The following CDKL4 variants were observed in gnomAD, a reference collection of about 807,000 sequenced individuals.
CDKL4 encodes cyclin-dependent kinase-like 4.
CDKL4 carries 44 observed loss-of-function variants against 42.0 expected under a neutral mutation model. The observed-to-expected ratio is 1.05, with a 90% CI of 0.82 to 1.35. The LOEUF (loss-of-function observed/expected upper bound fraction) is 1.35. Ranked by LOEUF, CDKL4 falls within the 40% of genes most tolerant of loss-of-function variation. The probability of loss-of-function intolerance (pLI) is 0.00; values close to 1 mark genes in which losing one functional copy is unlikely to be tolerated. For synonymous variants in CDKL4, 120 were observed against 121.6 expected (o/e 0.99, Z 0.09); for missense variants, 393 against 369.9 (o/e 1.06, Z -0.51).
chr2:39,195,836 A>G lies in CDKL4; in HGVS notation c.455-5334T>C, dbSNP rs78331703. 7.4e-4 allele frequency among the ~76,000 whole-genome samples: 113 copies of G among 152,040 alleles called. No individual in the cohort carries two copies. In the East Asian group the frequency reaches 0.017, roughly 23 times the overall value. On this transcript the variant is annotated intron_variant, in intron 5 of 9. Transcript: ENST00000451199. ...ATATATCTTCTTTAAAGAAATGTCT[A>G]TTCTGATGGCTTCTGAGGAAAATGG...
intron 8 of CDKL4, 59 bp from the exon 9 acceptor site, chr2:39,179,380 GC>G: frequency 7.5e-7 from 1 of 1,338,278 alleles, no homozygotes; most frequent in Non-Finnish European, 1.0e-6. Context: ...TTGTTACCGT[GC>G]CCACAAACTG....
intron 1 of CDKL4, among the ~76,000 whole-genome samples, chr2:39,231,227 CAAA>C (rs1451651346): frequency 6.6e-6 from 1 of 151,866 alleles, no homozygotes; most frequent in Admixed American, 6.6e-5. Flanking sequence ...CAAAAACAAA[CAAA>C]CAAACAAACA....
intron 5 of CDKL4, among the ~76,000 whole-genome samples, chr2:39,199,202 T>C (rs1676699502): frequency 6.6e-6 from 1 of 152,118 alleles, no homozygotes; most frequent in African/African-American, 2.4e-5. Flanking sequence ...TCAAGGCTCC[T>C]ATGAATACCT....
At chr2:39,203,805 G>C (rs1206850088) in intron 5 of CDKL4, among the ~76,000 whole-genome samples, 1 of 152,120 alleles carries the variant, frequency 6.6e-6, no homozygotes, top group African/African-American at 2.4e-5. Flanking sequence ...ATTATCATTA[G>C]GATCCTATTA....
At chr2:39,226,752 A>G (rs1322212396) in intron 2 of CDKL4, among the ~76,000 whole-genome samples, 10 of 151,744 alleles carry the variant, frequency 6.6e-5, no homozygotes, top group Non-Finnish European at 7.4e-5. Context: ...AACTAGGGTG[A>G]CCACATAATT....
chr2:39,179,596 G>C (rs1402789508), intron 8 of CDKL4, among the ~76,000 whole-genome samples: 1 of 152,210 alleles, frequency 6.6e-6, no homozygotes, highest in East Asian at 1.9e-4. Flanking sequence ...TAAAATCACT[G>C]CTGAAAGCAA....
chr2:39,179,390 T>A, intron 8 of CDKL4, 69 bp from the exon 9 acceptor site: 1 of 1,228,426 alleles, frequency 8.1e-7, no homozygotes, highest in Non-Finnish European at 1.1e-6. Context: ...GCCCACAAAC[T>A]GAATAACTTG....
chr2:39,239,061 T>G (rs1301524564), intron 1 of CDKL4, among the ~76,000 whole-genome samples: 1 of 152,220 alleles, frequency 6.6e-6, no homozygotes, highest in Non-Finnish European at 1.5e-5. Context: ...CCAACTGACT[T>G]TTGACAAAGT....
intron 5 of CDKL4, among the ~76,000 whole-genome samples, chr2:39,199,961 C>A (rs1676749443): frequency 6.6e-6 from 1 of 152,050 alleles, no homozygotes; most frequent in South Asian, 2.1e-4. Flanking sequence ...CACTTCTATT[C>A]AACATAGTAC....
At chr2:39,173,052 C>T (rs1675043965), downstream of CDKL4, among the ~76,000 whole-genome samples, 1 of 152,228 alleles carries the variant, frequency 6.6e-6, no homozygotes, top group South Asian at 2.1e-4. Flanking sequence ...TAAGGAAAGA[C>T]AGTCATCCCA....
intron 4 of CDKL4, among the ~76,000 whole-genome samples, chr2:39,207,781 C>T (rs1056044792): frequency 1.3e-5 from 2 of 152,078 alleles, no homozygotes; most frequent in Admixed American, 1.3e-4. Flanking sequence ...TGAGAGGATA[C>T]TGAAGAAATT....
At chr2:39,226,082 G>C (rs989903689) in intron 2 of CDKL4, 122 bp from the exon 3 acceptor site, 6 of 939,556 alleles carry the variant, frequency 6.4e-6, no homozygotes, top group Non-Finnish European at 8.8e-6. Context: ...CCTATAATAA[G>C]TGGTAACAAA....
At chr2:39,209,120 A>G (rs1209173202) in intron 4 of CDKL4, among the ~76,000 whole-genome samples, 5 of 149,946 alleles carry the variant, frequency 3.3e-5, no homozygotes, top group Admixed American at 6.7e-5. Context: ...GGGCAACACA[A>G]TGAGACTATC....
the CDKL4 span, among the ~76,000 whole-genome samples, chr2:39,169,824 G>A: frequency 2.0e-5 from 3 of 151,684 alleles, no homozygotes; most frequent in Admixed American, 2.0e-4. Context: ...TTTGAGACAG[G>A]GTCTCACTCT....
chr2:39,229,521 A>T lies in CDKL4; in HGVS notation c.12T>A (p.Tyr4Ter). ...CTTCTCCAGTCTTAGCTAATTTTTC[A>T]TACTTTTCCATTATAGCTGAAGTGA... Residue 4 changes from tyrosine to a stop codon, truncating the protein, a stop_gained, in exon 2 of 10, where the codon TAT becomes TAA. Transcript: ENST00000451199. LOFTEE classifies it high-confidence loss of function. 1.2e-6 allele frequency: 2 copies of T among 1,603,828 alleles called. No homozygotes were observed. The highest frequency in any genetic ancestry group is 1.7e-6 in the Non-Finnish European group (2 of 1,177,486).
At chr2:39,203,763 T>C (rs1676993135) in intron 5 of CDKL4, among the ~76,000 whole-genome samples, 1 of 152,190 alleles carries the variant, frequency 6.6e-6, no homozygotes, top group South Asian at 2.1e-4. Flanking sequence ...TGTTTGTCTA[T>C]TTCTCTTTTC....
downstream of CDKL4, among the ~76,000 whole-genome samples, chr2:39,173,315 TG>T (rs1675049168): frequency 6.6e-6 from 1 of 152,180 alleles, no homozygotes; most frequent in African/African-American, 2.4e-5. Context: ...AAAAATAAAT[TG>T]TTCAGCAAAG....
rs1470729181 is a variant in CDKL4, at chr2:39,185,050, T to A, written c.736-403A>T. Among the ~76,000 whole-genome samples, 9 of 149,552 alleles carry A rather than the reference T, an allele frequency of 6.0e-5. No homozygotes were observed. In the Admixed American group the frequency reaches 6.1e-4, roughly 10 times the overall value. ...TCACCTGGCCTATATTTTGAATATATTAGTAATAACAACACTTTAAAGAAA... is the reference window on the plus strand; with the variant it reads ...TCACCTGGCCTATATTTTGAATATAATAGTAATAACAACACTTTAAAGAAA... On this transcript the variant is annotated intron_variant, in intron 7 of 9. Coordinates refer to ENST00000451199, the Ensembl canonical transcript of CDKL4.
At chr2:39,175,644 A>G, downstream of CDKL4, 1 of 172,740 alleles carries the variant, frequency 5.8e-6, no homozygotes, top group South Asian at 1.3e-4. Flanking sequence ...TTAAGAAATT[A>G]TGTGGTCAGC....
Sources: allele counts gnomAD v4.1 joint callset (sites outside exome capture counted in the v4.1 genomes callset), GRCh38; gene constraint gnomAD v4.1.1; transcripts MANE v1.5; gene names NCBI Gene and HGNC (gene_info 2026-07-23, HGNC 2026-07-21).